The following CUL5 variants were observed in gnomAD, a reference collection of about 807,000 sequenced individuals.
CUL5 encodes the protein cullin 5.
A neutral mutation model predicts 108.8 loss-of-function variants in CUL5; 26 were observed. The observed-to-expected ratio is 0.24, with a 90% CI of 0.18 to 0.33. The LOEUF is 0.33. Among genes scored for constraint, CUL5 ranks in the 10% least tolerant of loss-of-function variants. The probability of loss-of-function intolerance (pLI) is 1.00; values close to 1 mark genes in which losing one functional copy is unlikely to be tolerated. For synonymous variants in CUL5, 334 were observed against 298.0 expected, an observed-to-expected ratio of 1.12 and a Z score of -1.25; for missense variants, 524 against 909.2, an observed-to-expected ratio of 0.58 and a Z score of 5.45.
chr11:108,087,242 A>G (rs893016687), intron 11 of CUL5, among the ~76,000 whole-genome samples: 13 of 152,204 alleles, frequency 8.5e-5, no homozygotes, highest in Non-Finnish European at 1.5e-5. Flanking sequence ...GGGAGGAAAA[A>G]AGTTTCATCC....
chr11:108,041,989 A>T (rs536253863), intron 2 of CUL5, among the ~76,000 whole-genome samples: 1 of 152,282 alleles, frequency 6.6e-6, no homozygotes, highest in Non-Finnish European at 1.5e-5. Context: ...TGTTATAGTA[A>T]ACTAAATAAA....
chr11:108,073,045 C>CA (rs902600788), intron 9 of CUL5, among the ~76,000 whole-genome samples: 4 of 150,910 alleles, frequency 2.7e-5, no homozygotes, highest in African/African-American at 7.3e-5. Flanking sequence ...ACTAAAAATA[C>CA]AAAAAAAATA....
At chr11:108,093,174 TA>T (rs1864398319) in intron 13 of CUL5, among the ~76,000 whole-genome samples, 1 of 152,242 alleles carries the variant, frequency 6.6e-6, no homozygotes, top group Non-Finnish European at 1.5e-5. Flanking sequence ...AAGCTGTTAA[TA>T]AAGAGTAGTT....
chr11:108,054,518 T>G, intron 5 of CUL5, 129 bp from the exon 6 acceptor site: 1 of 613,574 alleles, frequency 1.6e-6, no homozygotes. Flanking sequence ...TTTTGTCTTA[T>G]ATAATTATAT....
At chr11:108,097,899 G>T in intron 17 of CUL5, 145 bp downstream of exon 17, 1 of 539,566 alleles carries the variant, frequency 1.9e-6, no homozygotes, top group Non-Finnish European at 3.3e-6. Context: ...AGTTGTTTAT[G>T]GAAAATATTA....
rs1861994803 is a variant in CUL5 at position 108,009,241 on chromosome 11, C to T, written c.-108C>T. On this transcript the variant is annotated 5_prime_UTR_variant, in exon 1 of 19. Transcript: ENST00000393094. ...CTCCAGCGCCCACCACACCCTGGTG[C>T]GGGCCGACGGGCCCTGGGCCCTGGT... is the stretch of plus-strand genomic sequence containing the variant. 2 of 1,211,780 alleles carry T rather than the reference C, an allele frequency of 1.7e-6. No individual in the cohort carries two copies. Among genetic ancestry groups the T allele is most frequent in the East Asian group, 2.4e-5 (1 of 41,994 alleles). 75.1% of individuals were successfully genotyped at this position (1,211,780 alleles called of 1,614,324 possible).
chr11:108,105,675 T>C lies in CUL5; in HGVS notation c.*1291T>C, dbSNP rs1460918746. The C allele has an allele frequency of 1.3e-5, 2 of 152,160 alleles. No individual in the cohort carries two copies. Among genetic ancestry groups the C allele is most frequent in the Non-Finnish European group, 2.9e-5 (2 of 68,000 alleles). The allele number at this position is 152,160 out of a possible 1,614,324, so 9.4% of individuals were successfully genotyped here. On this transcript the variant is annotated 3_prime_UTR_variant, in exon 19 of 19. Coordinates refer to ENST00000393094, the MANE Select transcript of CUL5 (RefSeq NM_003478.6). ...GTGGAAATTTTAGGACTTGAGGACGTGAACAACTTGAAAGAGAAAATTGAT... is the reference window on the plus strand; with the variant it reads ...GTGGAAATTTTAGGACTTGAGGACGCGAACAACTTGAAAGAGAAAATTGAT...
At chr11:108,081,612 C>T (rs1416634106) in intron 11 of CUL5, among the ~76,000 whole-genome samples, 4 of 152,120 alleles carry the variant, frequency 2.6e-5, no homozygotes, top group Non-Finnish European at 4.4e-5. Context: ...ATTAGCCAGG[C>T]GTGGTGGCGG....
intron 1 of CUL5, among the ~76,000 whole-genome samples, chr11:108,028,417 C>G (rs923510349): frequency 2.6e-5 from 4 of 152,192 alleles, no homozygotes; most frequent in African/African-American, 4.8e-5. Flanking sequence ...TACCTCCTAC[C>G]TCCATTGCTA....
chr11:108,082,816 A>G (rs1423601796), intron 11 of CUL5, among the ~76,000 whole-genome samples: 2 of 151,462 alleles, frequency 1.3e-5, no homozygotes, highest in South Asian at 4.2e-4. Flanking sequence ...TTTTTGAGAC[A>G]GGGTCTTGCT....
chr11:108,079,939 T>C (rs1294019721), intron 11 of CUL5, among the ~76,000 whole-genome samples: 2 of 152,176 alleles, frequency 1.3e-5, no homozygotes, highest in East Asian at 3.9e-4. Context: ...CTTTCCAAAG[T>C]GGTTATTCTC....
chr11:108,095,397 C>T, intron 15 of CUL5, 133 bp from the exon 16 acceptor site: 2 of 632,754 alleles, frequency 3.2e-6, no homozygotes, highest in South Asian at 2.4e-5. Flanking sequence ...TTAACGTCTT[C>T]TAAAATGTTT....
At chr11:108,096,702 A>G (rs1391095985) in intron 16 of CUL5, among the ~76,000 whole-genome samples, 2 of 149,396 alleles carry the variant, frequency 1.3e-5, no homozygotes, top group African/African-American at 5.0e-5. Flanking sequence ...AAGTAGCTGG[A>G]ATTACAGGCA....
rs1442435341 is a variant in CUL5 at position 108,094,405 on chromosome 11, A to T, written c.1458A>T (p.Pro486=). 1.3e-6 allele frequency: 2 copies of T among 1,583,500 alleles called. No individual in the cohort carries two copies. The change falls in exon 14 of 19, where the codon CCA becomes CCT. Residue 486 remains proline (P), a synonymous_variant. Transcript: ENST00000393094. ...MVEWLREVGM[P]ADYVNKLARM... ...TATATTTATAGGAAGTTGGTATGCCAGCGGATTATGTAAACAAGCTTGCTA... is the reference window on the plus strand; with the variant it reads ...TATATTTATAGGAAGTTGGTATGCCTGCGGATTATGTAAACAAGCTTGCTA...
At chr11:108,089,805 C>T (rs961898478) in intron 13 of CUL5, among the ~76,000 whole-genome samples, 182 bp downstream of exon 13, 8 of 151,964 alleles carry the variant, frequency 5.3e-5, no homozygotes, top group African/African-American at 1.9e-4. Flanking sequence ...TTTGGGAGGC[C>T]GAGGCAGGTG....
At chr11:108,054,304 A>G (rs1177102672) in intron 5 of CUL5, among the ~76,000 whole-genome samples, 2 of 152,282 alleles carry the variant, frequency 1.3e-5, no homozygotes, top group African/African-American at 2.4e-5. Flanking sequence ...ATATTTACTT[A>G]CCTTACTAAT....
At chr11:108,022,017 C>G (rs564880796) in intron 1 of CUL5, among the ~76,000 whole-genome samples, 1 of 151,492 alleles carries the variant, frequency 6.6e-6, no homozygotes, top group African/African-American at 2.4e-5. Context: ...TCCATCGATC[C>G]ATCCATTCTT....
chr11:108,078,167 T>A lies in CUL5; in HGVS notation c.1114-9T>A, dbSNP rs1411433087. ...TTAAAAATATTTTATTCCAAATTAT[T>A]TTTTGCAGGCGTATAAAGCAGTTGT... On this transcript the variant is annotated splice_polypyrimidine_tract_variant and intron_variant, in intron 10 of 18. Coordinates refer to ENST00000393094, the MANE Select transcript of CUL5 (RefSeq NM_003478.6). 7.4e-6 allele frequency: 11 copies of A among 1,490,872 alleles called. No individual in the cohort carries two copies. The highest frequency in any genetic ancestry group is 1.0e-5 in the Non-Finnish European group (11 of 1,092,148). 92.4% of individuals were successfully genotyped at this position (1,490,872 alleles called of 1,614,324 possible).
intron 3 of CUL5, among the ~76,000 whole-genome samples, chr11:108,047,151 C>G (rs1043320235): frequency 1.3e-5 from 2 of 151,886 alleles, no homozygotes; most frequent in African/African-American, 4.8e-5. Flanking sequence ...GACCTTGCCT[C>G]TATACAAAAT....
Sources: allele counts gnomAD v4.1 joint callset (sites outside exome capture counted in the v4.1 genomes callset), GRCh38; gene constraint gnomAD v4.1.1; transcripts MANE v1.5; gene names NCBI Gene and HGNC (gene_info 2026-07-23, HGNC 2026-07-21).